The following TRAT1 variants were observed in gnomAD, a reference collection of about 807,000 sequenced individuals.
TRAT1 encodes T-cell receptor-associated transmembrane adapter 1.
A neutral mutation model predicts 20.0 loss-of-function variants in TRAT1; 20 were observed. That is an observed-to-expected ratio of 1.00 (90% confidence interval 0.70 to 1.45). The LOEUF (loss-of-function observed/expected upper bound fraction) is 1.45, where lower values mean the gene tolerates loss of function less well. TRAT1 is among the 40% of genes most tolerant of loss of function. TRAT1 has a pLI of 0.00. For synonymous variants in TRAT1, 77 were observed against 74.2 expected (o/e 1.04, Z -0.20); for missense variants, 237 against 224.1 (o/e 1.06, Z -0.37).
In TRAT1 at chr3:108,849,165, G is replaced by T; in HGVS notation, c.215-1G>T. ...GAATCACAATCTTTTTAATTCCCAA[G>T]AACCAATGGATGAAAATTGCTATGA... On this transcript the variant is annotated splice_acceptor_variant, in intron 4 of 5. Transcript: ENST00000295756. LOFTEE classifies it high-confidence loss of function. 3.1e-6 allele frequency: 5 copies of T among 1,612,290 alleles called. No homozygotes were observed. The highest frequency in any genetic ancestry group is 4.2e-6 in the Non-Finnish European group (5 of 1,179,158).
chr3:108,843,975 GGC>G (rs1343533591), intron 3 of TRAT1, among the ~76,000 whole-genome samples: 22 of 152,212 alleles, frequency 1.4e-4, no homozygotes, highest in African/African-American at 4.6e-4. Flanking sequence ...CCTCTCTCAT[GGC>G]TTTAAACATT....
intron 5 of TRAT1, among the ~76,000 whole-genome samples, chr3:108,850,530 C>G (rs1381002624): frequency 6.6e-6 from 1 of 152,054 alleles, no homozygotes; most frequent in Non-Finnish European, 1.5e-5. Context: ...GTCGCAAACT[C>G]CCGACCGCAG....
At chr3:108,850,298 C>G (rs1292603060) in intron 5 of TRAT1, among the ~76,000 whole-genome samples, 1 of 131,194 alleles carries the variant, frequency 7.6e-6, no homozygotes, top group Non-Finnish European at 1.6e-5. Context: ...AGAAATCAAA[C>G]TTTTAAACTT....
chr3:108,844,386 C>T (rs1452398324), intron 3 of TRAT1, among the ~76,000 whole-genome samples: 1 of 151,242 alleles, frequency 6.6e-6, no homozygotes, highest in African/African-American at 2.4e-5. Context: ...GGTGCAATCC[C>T]GGCTCACTGC....
chr3:108,824,553 T>C (rs1945719780), intron 1 of TRAT1, among the ~76,000 whole-genome samples: 1 of 152,206 alleles, frequency 6.6e-6, no homozygotes, highest in African/African-American at 2.4e-5. Flanking sequence ...ATTAGTATGC[T>C]TTGTACTTTT....
At chr3:108,842,370 C>G (rs566663640) in intron 3 of TRAT1, among the ~76,000 whole-genome samples, 1 of 152,174 alleles carries the variant, frequency 6.6e-6, no homozygotes, top group East Asian at 1.9e-4. Context: ...TATAACTAGT[C>G]TCATCTGTCC....
chr3:108,823,013 C>G, intron 1 of TRAT1, 79 bp downstream of exon 1: 2 of 1,225,948 alleles, frequency 1.6e-6, no homozygotes, highest in Non-Finnish European at 2.4e-6. Context: ...CGAGAAGACC[C>G]TTAGTATTTA....
At chr3:108,847,789 G>A (rs943165007) in intron 4 of TRAT1, among the ~76,000 whole-genome samples, 3 of 152,072 alleles carry the variant, frequency 2.0e-5, no homozygotes, top group Non-Finnish European at 4.4e-5. Flanking sequence ...CCCTTTCCCT[G>A]CAAGTACTCA....
chr3:108,830,683 C>A lies in TRAT1; in HGVS notation c.21C>A (p.Cys7Ter). 2 of 1,611,042 alleles carry A rather than the reference C, an allele frequency of 1.2e-6. No individual in the cohort carries two copies. Among genetic ancestry groups the A allele is most frequent in the Non-Finnish European group, 1.7e-6 (2 of 1,177,238 alleles). The change falls in exon 2 of 6, where the codon TGC becomes TGA. Residue 7 changes from cysteine to a stop codon, truncating the protein, a stop_gained. Coordinates refer to ENST00000295756, the MANE Select transcript of TRAT1 (RefSeq NM_016388.4). LOFTEE classifies it high-confidence loss of function. Reference protein sequence around the residue: MSGISGCPFFLWGLLAL... With the variant: MSGISG ...TTTAATTTCCAGGAATCTCTGGGTG[C>A]CCCTTTTTCCTCTGGGGACTTCTAG...
chr3:108,835,364 A>G (rs1344232056), intron 2 of TRAT1, among the ~76,000 whole-genome samples: 1 of 152,198 alleles, frequency 6.6e-6, no homozygotes. Context: ...CAAAGCATAC[A>G]CTTTTTTTAT....
In TRAT1 at chr3:108,854,071, C is replaced by T; in HGVS notation, c.*194C>T. ...TGTAAGGCCATGAAAATCAGTATTT[C>T]AAATAACTTAAAAAATGCTTTACTA... On this transcript the variant is annotated 3_prime_UTR_variant, in exon 6 of 6. Transcript: ENST00000295756. The T allele has an allele frequency of 2.0e-6, 1 of 511,842 alleles. No individual in the cohort carries two copies. The highest frequency in any genetic ancestry group is 3.4e-6 in the Non-Finnish European group (1 of 290,214). 31.7% of individuals were successfully genotyped at this position (511,842 alleles called of 1,614,324 possible). A position where few individuals can be genotyped will look rare whatever the true frequency, so the allele number is the denominator to read the frequency against.
Position 108,853,775 on chromosome 3 carries a change from A to C in TRAT1, c.459A>C (p.Val153=), listed in dbSNP as rs763156916. ...IDASVSKTTL[V]DSFSPESQAV... ...CCAGCGTTTCTAAGACCACCTTAGT[A>C]GACAGTTTCTCCCCAGAAAGCCAGG... The change falls in exon 6 of 6, where the codon GTA becomes GTC. Residue 153 remains valine (V), a synonymous_variant. Transcript: ENST00000295756. 2 of 1,614,082 alleles carry C rather than the reference A, an allele frequency of 1.2e-6. No individual in the cohort carries two copies. Among genetic ancestry groups the C allele is most frequent in the African/African-American group, 1.3e-5 (1 of 74,944 alleles).
intron 3 of TRAT1, 94 bp downstream of exon 3, chr3:108,839,061 A>G (rs780628269): frequency 1.2e-4 from 112 of 932,164 alleles, no homozygotes; most frequent in South Asian, 4.1e-4. Context: ...TGGATATTGT[A>G]CTTAGGTTAA....
At chr3:108,843,286 C>T (rs1323132882) in intron 3 of TRAT1, among the ~76,000 whole-genome samples, 1 of 152,172 alleles carries the variant, frequency 6.6e-6, no homozygotes, top group Non-Finnish European at 1.5e-5. Flanking sequence ...AATCTCAGCA[C>T]TTTGGGAGGC....
intron 5 of TRAT1, among the ~76,000 whole-genome samples, chr3:108,850,434 A>C (rs1945988201): frequency 6.6e-6 from 1 of 151,882 alleles, no homozygotes; most frequent in Non-Finnish European, 1.5e-5. Context: ...CCTCCCAAGT[A>C]GCTGGGATTA....
At position 108,831,578 on chromosome 3, in the gene TRAT1, C is replaced by T. The variant is rs1016778427; in HGVS notation, c.118+798C>T. ...TTTTTGAGACAGGATCTTGCTCTGT[C>T]GCCCAGGCTGGAATGCAGTGGCATG... On this transcript the variant is annotated intron_variant, in intron 2 of 5. Coordinates refer to ENST00000295756, the MANE Select transcript of TRAT1 (RefSeq NM_016388.4). 9.7e-5 allele frequency among the ~76,000 whole-genome samples: 14 copies of T among 144,034 alleles called. No homozygotes were observed. In the East Asian group the frequency reaches 1.0e-3, roughly 10 times the overall value. The allele number at this position is 144,034 out of a possible 152,430, so 94.5% of individuals were successfully genotyped here.
chr3:108,829,586 A>AACACACACACACACACACACACAC (rs144318236), intron 1 of TRAT1, among the ~76,000 whole-genome samples: 97 of 142,560 alleles, frequency 6.8e-4, no homozygotes, highest in African/African-American at 9.7e-4. Context: ...TCCATCTCAA[A>AACACACACACACACACACACACAC]ACACACACAC....
At chr3:108,847,463 C>T (rs1945957933) in intron 4 of TRAT1, 1 of 218,416 alleles carries the variant, frequency 4.6e-6, no homozygotes, top group South Asian at 8.4e-5. Context: ...AAGTGGTCCA[C>T]AGAAACAGTG....
At chr3:108,824,328 T>C (rs1047003096) in intron 1 of TRAT1, among the ~76,000 whole-genome samples, 1 of 152,218 alleles carries the variant, frequency 6.6e-6, no homozygotes, top group Non-Finnish European at 1.5e-5. Context: ...AAATTGCTTT[T>C]CCAAGAGTGA....
Sources: gnomAD v4.1 joint callset for allele counts (sites outside exome capture counted in the v4.1 genomes callset) on GRCh38, gnomAD v4.1.1 for gene constraint, MANE v1.5 for transcripts, NCBI Gene and HGNC (gene_info 2026-07-23, HGNC 2026-07-21) for gene names.